Variants in MICU2 observed in about 807,000 individuals in gnomAD.
The protein encoded by MICU2 is mitochondrial calcium uptake 2.
MICU2 carries 64 observed loss-of-function variants against 60.4 expected under a neutral mutation model. The ratio of observed to expected loss-of-function variants is 1.06; its 90% CI spans 0.87 to 1.31. The LOEUF is 1.31. Ranked by LOEUF, MICU2 falls within the 50% of genes most tolerant of loss-of-function variation. The probability of loss-of-function intolerance (pLI) is 0.00; values close to 1 mark genes in which losing one functional copy is unlikely to be tolerated. For synonymous variants in MICU2, 201 were observed against 175.0 expected (o/e 1.15, Z -1.17); for missense variants, 569 against 531.0 (o/e 1.07, Z -0.70).
intron 9 of MICU2, among the ~76,000 whole-genome samples, chr13:21,499,887 T>C (rs920215877): frequency 2.0e-5 from 3 of 152,052 alleles, no homozygotes; most frequent in Admixed American, 2.0e-4. Context: ...TTGCGAGGCA[T>C]GGTGGTATGC....
chr13:21,500,841 C>T (rs1352787477), intron 9 of MICU2, among the ~76,000 whole-genome samples: 1 of 151,978 alleles, frequency 6.6e-6, no homozygotes, highest in African/African-American at 2.4e-5. Flanking sequence ...TTGCAGGGGA[C>T]GAGGTGAGGC....
chr13:21,548,049 A>G (rs1194813433), intron 2 of MICU2, among the ~76,000 whole-genome samples: 4 of 152,244 alleles, frequency 2.6e-5, no homozygotes, highest in Non-Finnish European at 4.4e-5. Context: ...TAACAGTGAA[A>G]AAATAGACAA....
At chr13:21,591,826 G>A (rs980609995) in intron 1 of MICU2, among the ~76,000 whole-genome samples, 3 of 152,028 alleles carry the variant, frequency 2.0e-5, no homozygotes, top group Admixed American at 6.6e-5. Context: ...TGAAACCAAT[G>A]AGAACAAAGA....
At chr13:21,570,199 A>G (rs187259511) in intron 1 of MICU2, among the ~76,000 whole-genome samples, 1 of 152,326 alleles carries the variant, frequency 6.6e-6, no homozygotes, top group African/African-American at 2.4e-5. Context: ...ATTTATGTAA[A>G]GGAAAAAACA....
chr13:21,600,377 C>G (rs1222333872), intron 1 of MICU2, among the ~76,000 whole-genome samples: 1 of 152,194 alleles, frequency 6.6e-6, no homozygotes, highest in African/African-American at 2.4e-5. Flanking sequence ...AGGTGTCAAC[C>G]TACACATAAT....
chr13:21,584,607 T>C (rs907524820), intron 1 of MICU2, among the ~76,000 whole-genome samples: 2 of 152,144 alleles, frequency 1.3e-5, no homozygotes, highest in Non-Finnish European at 2.9e-5. Context: ...GGAACTTTCA[T>C]AGATGTCTAT....
At chr13:21,518,885 T>C (rs1886646570) in intron 6 of MICU2, among the ~76,000 whole-genome samples, 1 of 152,188 alleles carries the variant, frequency 6.6e-6, no homozygotes, top group Non-Finnish European at 1.5e-5. Flanking sequence ...AATATTTTTA[T>C]CTACTGCTAC....
intron 2 of MICU2, among the ~76,000 whole-genome samples, chr13:21,565,558 T>C: frequency 6.6e-6 from 1 of 152,246 alleles, no homozygotes; most frequent in East Asian, 1.9e-4. Flanking sequence ...CTTGAGAGGC[T>C]GAGGCAGGAG....
At chr13:21,576,541 C>T (rs184468099) in intron 1 of MICU2, among the ~76,000 whole-genome samples, 14 of 152,256 alleles carry the variant, frequency 9.2e-5, no homozygotes, top group Admixed American at 3.9e-4. Context: ...TCTATCCCTT[C>T]TTGGGGAACA....
intron 1 of MICU2, among the ~76,000 whole-genome samples, chr13:21,593,424 A>G (rs1888625819): frequency 6.6e-6 from 1 of 152,080 alleles, no homozygotes; most frequent in South Asian, 2.1e-4. Context: ...ATATTGTAAA[A>G]ATGACCAGAC....
At chr13:21,581,025 G>T (rs1888336519) in intron 1 of MICU2, among the ~76,000 whole-genome samples, 1 of 152,092 alleles carries the variant, frequency 6.6e-6, no homozygotes, top group Admixed American at 6.6e-5. Flanking sequence ...ACAATTACCT[G>T]ATCTGAAGGT....
chr13:21,601,262 T>C (rs2138081403), intron 1 of MICU2, among the ~76,000 whole-genome samples: 1 of 152,276 alleles, frequency 6.6e-6, no homozygotes, highest in South Asian at 2.1e-4. Context: ...CCTAAAGTAG[T>C]GGTAGTAGGC....
intron 4 of MICU2, among the ~76,000 whole-genome samples, chr13:21,533,442 G>C (rs897480201): frequency 1.3e-5 from 2 of 151,278 alleles, no homozygotes; most frequent in African/African-American, 4.9e-5. Flanking sequence ...CCCTGCCTCA[G>C]CCTCCCGAGT....
chr13:21,588,430 C>T (rs1474688373), intron 1 of MICU2, among the ~76,000 whole-genome samples: 3 of 152,180 alleles, frequency 2.0e-5, no homozygotes, highest in African/African-American at 7.2e-5. Context: ...AATAAGTCAT[C>T]CCAAGCTCTC....
At chr13:21,583,346 T>A (rs909196223) in intron 1 of MICU2, among the ~76,000 whole-genome samples, 3 of 152,214 alleles carry the variant, frequency 2.0e-5, no homozygotes, top group African/African-American at 7.2e-5. Flanking sequence ...TTAAGTTTTT[T>A]AAAAAATAAA....
chr13:21,522,049 T>G (rs1455217690), intron 5 of MICU2, among the ~76,000 whole-genome samples: 1 of 152,242 alleles, frequency 6.6e-6, no homozygotes, highest in Admixed American at 6.5e-5. Flanking sequence ...ACACCTGGTC[T>G]TCCTCTAATG....
rs553125589 is a variant in MICU2, at chr13:21,552,210, T to C, written c.359-12522A>G. Reference sequence around the variant, plus strand: ...TTTTGATGAGCATTTTTTCATGTGTTTTTTGGCTGCATAAATGTCTTCTTT... The same window carrying C: ...TTTTGATGAGCATTTTTTCATGTGTCTTTTGGCTGCATAAATGTCTTCTTT... On this transcript the variant is annotated intron_variant, in intron 2 of 11. Transcript: ENST00000382374. 1.4e-4 allele frequency among the ~76,000 whole-genome samples: 21 copies of C among 152,330 alleles called. No individual in the cohort carries two copies. The East Asian group carries it at 4.1e-3, about 29-fold the overall frequency.
intron 3 of MICU2, 89 bp downstream of exon 3, chr13:21,539,568 G>A: frequency 6.5e-7 from 1 of 1,545,492 alleles, no homozygotes; most frequent in African/African-American, 1.4e-5. Context: ...AAAGTGCTGG[G>A]ATTACAGGTG....
In MICU2 at chr13:21,603,974, C is replaced by G. The variant is rs773584769; in HGVS notation, c.175G>C (p.Ala59Pro). Residue 59 changes from alanine to proline, a missense_variant, in exon 1 of 12, where the codon GCG becomes CCG. Physicochemically the swap from Ala to Pro is conservative, Grantham distance 27. Coordinates refer to ENST00000382374, the MANE Select transcript of MICU2 (RefSeq NM_152726.3). Reference protein sequence around the residue: ...AAWHHSRVSVAARDGSFTVSA... With the variant: ...AAWHHSRVSVPARDGSFTVSA... ...ACTGTAAAACTGCCATCCCGCGCCG[C>G]AACACTGACGCGGCTGTGGTGCCAG... is the stretch of plus-strand genomic sequence containing the variant. 20 of 1,612,346 alleles carry G rather than the reference C, an allele frequency of 1.2e-5. No homozygotes were observed. Among genetic ancestry groups the G allele is most frequent in the Non-Finnish European group, 1.4e-5 (16 of 1,179,678 alleles).
Sources: gnomAD v4.1 joint callset for allele counts (sites outside exome capture counted in the v4.1 genomes callset) on GRCh38, gnomAD v4.1.1 for gene constraint, MANE v1.5 for transcripts, NCBI Gene and HGNC (gene_info 2026-07-23, HGNC 2026-07-21) for gene names.